The following CDK14 variants were observed in gnomAD, a reference collection of about 807,000 sequenced individuals.
CDK14 encodes cyclin dependent kinase 14.
In CDK14, 34 loss-of-function variants were observed where a neutral mutation model predicts 60.7. That is an observed-to-expected ratio of 0.56 (90% CI 0.43 to 0.75). CDK14 has a LOEUF of 0.75. Ranked by LOEUF, CDK14 falls within the 30% of genes least tolerant of loss-of-function variation. The pLI is 0.00. For synonymous variants in CDK14, 197 were observed against 203.7 expected (o/e 0.97, Z 0.28); for missense variants, 482 against 564.1 (o/e 0.85, Z 1.47).
intron 14 of CDK14, among the ~76,000 whole-genome samples, chr7:91,154,215 T>C (rs1433221311): frequency 1.3e-5 from 2 of 151,994 alleles, no homozygotes; most frequent in African/African-American, 4.8e-5. Flanking sequence ...TTAACTTTTA[T>C]AATCTCCTTT....
At chr7:91,006,651 C>T (rs1380989606) in intron 10 of CDK14, among the ~76,000 whole-genome samples, 1 of 152,190 alleles carries the variant, frequency 6.6e-6, no homozygotes, top group Non-Finnish European at 1.5e-5. Flanking sequence ...TTAAAGTTAT[C>T]TCCAACCTCA....
intron 7 of CDK14, among the ~76,000 whole-genome samples, chr7:90,905,839 G>T (rs1792678684): frequency 6.6e-6 from 1 of 152,130 alleles, no homozygotes; most frequent in Admixed American, 6.6e-5. Flanking sequence ...CAAGGGTATG[G>T]AAAGTTAAAA....
intron 2 of CDK14, among the ~76,000 whole-genome samples, chr7:90,631,739 A>C (rs576302181): frequency 6.6e-6 from 1 of 152,308 alleles, no homozygotes; most frequent in Non-Finnish European, 1.5e-5. Context: ...TCGCAGCAGA[A>C]AGTCCCTTCA....
At chr7:90,683,745 G>C (rs1801371930) in intron 2 of CDK14, among the ~76,000 whole-genome samples, 1 of 152,220 alleles carries the variant, frequency 6.6e-6, no homozygotes, top group Admixed American at 6.5e-5. Context: ...AGGTTGCAGT[G>C]AGTCGAGATT....
chr7:90,683,208 C>G (rs893552935), intron 2 of CDK14, among the ~76,000 whole-genome samples: 1 of 152,016 alleles, frequency 6.6e-6, no homozygotes, highest in African/African-American at 2.4e-5. Flanking sequence ...TGCAAGATCC[C>G]CTATATTTTC....
chr7:90,907,160 G>A (rs1444903459), intron 7 of CDK14, among the ~76,000 whole-genome samples: 1 of 152,050 alleles, frequency 6.6e-6, no homozygotes, highest in Non-Finnish European at 1.5e-5. Flanking sequence ...CAACCAGTTT[G>A]TAGATGGTGA....
intron 8 of CDK14, 110 bp from the exon 9 acceptor site, chr7:90,955,587 T>C (rs905565665): frequency 2.5e-6 from 3 of 1,214,470 alleles, no homozygotes; most frequent in Admixed American, 1.9e-5. Flanking sequence ...GCACTCCTGA[T>C]TCTGTATTAA....
chr7:90,785,742 A>C (rs1805550055), intron 4 of CDK14, among the ~76,000 whole-genome samples: 1 of 145,126 alleles, frequency 6.9e-6, no homozygotes, highest in Non-Finnish European at 1.5e-5. Context: ...AGCTGAGATC[A>C]TGCCATTGCA....
chr7:90,713,747 G>A (rs972674319), intron 2 of CDK14, among the ~76,000 whole-genome samples: 5 of 151,526 alleles, frequency 3.3e-5, no homozygotes, highest in East Asian at 1.9e-4. Context: ...GGACATGTAC[G>A]AAAGACAATA....
intron 1 of CDK14, among the ~76,000 whole-genome samples, chr7:90,603,364 G>C (rs1799354649): frequency 6.6e-6 from 1 of 152,098 alleles, no homozygotes; most frequent in Non-Finnish European, 1.5e-5. Flanking sequence ...TATTTTTACT[G>C]TACATTTTTC....
At chr7:90,924,849 T>C (rs1481262289) in intron 8 of CDK14, among the ~76,000 whole-genome samples, 2 of 152,162 alleles carry the variant, frequency 1.3e-5, no homozygotes, top group Admixed American at 1.3e-4. Context: ...AAATAGTACA[T>C]ATTTATGCAT....
intron 5 of CDK14, among the ~76,000 whole-genome samples, chr7:90,858,305 G>A (rs953581616): frequency 1.3e-5 from 2 of 152,162 alleles, no homozygotes; most frequent in African/African-American, 4.8e-5. Context: ...TGATGGGTGT[G>A]AAGATATTAC....
At chr7:90,741,454 G>A (rs7782597) in intron 3 of CDK14, among the ~76,000 whole-genome samples, 68,504 of 151,978 alleles carry the variant, frequency 0.45, 16,198 homozygotes, top group East Asian at 0.82. Flanking sequence ...TCATTACACA[G>A]AATGAGGAAA....
intron 5 of CDK14, among the ~76,000 whole-genome samples, chr7:90,818,580 A>T (rs1010055055): frequency 9.2e-5 from 14 of 152,232 alleles, no homozygotes; most frequent in African/African-American, 3.4e-4. Flanking sequence ...TACTTGGCCA[A>T]TAAGCTCATG....
intron 9 of CDK14, among the ~76,000 whole-genome samples, chr7:90,978,126 A>G (rs561869637): frequency 1.3e-5 from 2 of 152,312 alleles, no homozygotes; most frequent in East Asian, 3.9e-4. Flanking sequence ...AAAGGGAACA[A>G]CAATCCGTGC....
intron 2 of CDK14, among the ~76,000 whole-genome samples, chr7:90,643,869 A>G (rs1375630756): frequency 2.6e-5 from 4 of 152,192 alleles, no homozygotes; most frequent in Admixed American, 2.6e-4. Flanking sequence ...AATATAGTAG[A>G]TAGTAAGGAG....
chr7:90,984,284 ATTAGTCACTTAG>A (rs1795318267), intron 10 of CDK14, 43 bp downstream of exon 10: 2 of 1,261,624 alleles, frequency 1.6e-6, no homozygotes, highest in East Asian at 4.6e-5. Flanking sequence ...TTGGTTTCTA[ATTAGTCACTTAG>A]TGACAAATTC....
intron 2 of CDK14, among the ~76,000 whole-genome samples, chr7:90,665,971 GT>G (rs1369513362): frequency 6.6e-6 from 1 of 152,196 alleles, no homozygotes; most frequent in Non-Finnish European, 1.5e-5. Context: ...ATAGCACTCT[GT>G]TTAGTCCTTC....
chr7:90,659,462 C>T (rs750085715), intron 2 of CDK14, among the ~76,000 whole-genome samples: 3 of 152,210 alleles, frequency 2.0e-5, no homozygotes, highest in African/African-American at 7.2e-5. Flanking sequence ...AATAAATATA[C>T]GTTTCTTGCT....
Sources: allele counts gnomAD v4.1 joint callset (sites outside exome capture counted in the v4.1 genomes callset), GRCh38; gene constraint gnomAD v4.1.1; transcripts MANE v1.5; gene names NCBI Gene and HGNC (gene_info 2026-07-23, HGNC 2026-07-21).